ZMYM2: variants seen among roughly 807,000 people sequenced by gnomAD.
The protein encoded by ZMYM2 is zinc finger MYM-type protein 2.
Under a neutral mutation model 162.8 loss-of-function variants are expected in ZMYM2, and 56 were observed. That is an observed-to-expected ratio of 0.34 (90% CI 0.28 to 0.43). The LOEUF (loss-of-function observed/expected upper bound fraction) is 0.43, where lower values mean the gene tolerates loss of function less well. Among genes scored for constraint, ZMYM2 ranks in the 20% least tolerant of loss-of-function variants. The probability of loss-of-function intolerance (pLI) is 1.00; values close to 1 mark genes in which losing one functional copy is unlikely to be tolerated. For synonymous variants in ZMYM2, 510 were observed against 541.6 expected (o/e 0.94, Z 0.81); for missense variants, 1,275 against 1,621.8 (o/e 0.79, Z 3.67).
intron 12 of ZMYM2, among the ~76,000 whole-genome samples, chr13:20,041,850 T>C (rs558496973): frequency 6.7e-6 from 1 of 149,450 alleles, no homozygotes; most frequent in African/African-American, 2.5e-5. Context: ...GTGGCACTGG[T>C]GTTAAATTAA....
chr13:19,916,759 G>GC, the ZMYM2 span, among the ~76,000 whole-genome samples: 1 of 152,068 alleles, frequency 6.6e-6, no homozygotes, highest in Non-Finnish European at 1.5e-5. Context: ...AATACCTAAT[G>GC]TAAATGACGA....
At chr13:20,006,625 A>G (rs1311625031) in intron 6 of ZMYM2, 39 bp downstream of exon 6, 1 of 1,589,720 alleles carries the variant, frequency 6.3e-7, no homozygotes, top group Non-Finnish European at 8.6e-7. Context: ...ATTCTTTAGA[A>G]TGTTCTTGAA....
chr13:19,868,108 T>C, the ZMYM2 span, among the ~76,000 whole-genome samples: 2 of 152,344 alleles, frequency 1.3e-5, no homozygotes, highest in Non-Finnish European at 2.9e-5. Flanking sequence ...AACCTTCTCT[T>C]TGTTCCTCAG....
Position 20,067,357 on chromosome 13 carries a change from C to T in ZMYM2, c.3420C>T (p.Asp1140=), listed in dbSNP as rs1480203213. 6.2e-7 allele frequency: 1 copy of T among 1,611,236 alleles called. No homozygotes were observed. The highest frequency in any genetic ancestry group is 1.1e-5 in the South Asian group (1 of 90,374). ...RRPNGENYAP[D]SIYYLCLGIQ... ...CAAATGGAGAGAATTATGCACCTGA[C>T]AGCATCTATTACCTTTGCCTTGGAA... Residue 1140 remains aspartate, a synonymous_variant, in exon 21 of 25, where the codon GAC becomes GAT. Transcript: ENST00000610343.
At chr13:19,962,293 C>G (rs1390643083) in intron 2 of ZMYM2, among the ~76,000 whole-genome samples, 2 of 151,728 alleles carry the variant, frequency 1.3e-5, no homozygotes, top group Non-Finnish European at 2.9e-5. Flanking sequence ...TACCTTCAGT[C>G]AGATGCTCTG....
At chr13:19,958,722 GCCT>G, upstream of ZMYM2, 3 of 153,664 alleles carry the variant, frequency 2.0e-5, no homozygotes, top group African/African-American at 2.4e-5. Context: ...CGCCTCCTCC[GCCT>G]CCTCCTCCTC....
chr13:19,895,833 C>T, the ZMYM2 span, among the ~76,000 whole-genome samples: 14,222 of 151,406 alleles, frequency 0.094, 905 homozygotes, highest in African/African-American at 0.15. Context: ...TTGCACATTA[C>T]TATTCACAAT....
chr13:20,065,192 T>C (rs1451516111), intron 19 of ZMYM2, among the ~76,000 whole-genome samples: 1 of 151,934 alleles, frequency 6.6e-6, no homozygotes, highest in Non-Finnish European at 1.5e-5. Flanking sequence ...TTAAGAAAGA[T>C]AGCTTTCACA....
chr13:20,006,944 G>A (rs1337726731), intron 6 of ZMYM2, among the ~76,000 whole-genome samples: 2 of 152,100 alleles, frequency 1.3e-5, no homozygotes, highest in Non-Finnish European at 2.9e-5. Context: ...CATTCTTAGG[G>A]AACATCTGTG....
chr13:19,928,678 T>A, the ZMYM2 span, among the ~76,000 whole-genome samples: 1 of 151,996 alleles, frequency 6.6e-6, no homozygotes, highest in Non-Finnish European at 1.5e-5. Flanking sequence ...ATGCCTGTAG[T>A]CCTAGCTACT....
At chr13:19,957,058 G>A (rs978812943), upstream of ZMYM2, among the ~76,000 whole-genome samples, 1 of 151,846 alleles carries the variant, frequency 6.6e-6, no homozygotes, top group Non-Finnish European at 1.5e-5. Flanking sequence ...TTGAAAAGCT[G>A]GTTCAAGTAC....
the ZMYM2 span, among the ~76,000 whole-genome samples, chr13:19,941,322 C>CAAAAAAAAAAAAAAAAAAAAA: frequency 7.8e-6 from 1 of 128,194 alleles, no homozygotes; most frequent in Non-Finnish European, 1.7e-5. Context: ...AACAAAAAAA[C>CAAAAAAAAAAAAAAAAAAAAA]AAAAAAAAAA....
the ZMYM2 span, among the ~76,000 whole-genome samples, chr13:19,883,343 G>A: frequency 6.6e-6 from 1 of 152,202 alleles, no homozygotes; most frequent in Admixed American, 6.5e-5. Context: ...GCACAAAATT[G>A]TGAATATACT....
chr13:19,998,651 A>C (rs1950185815), intron 3 of ZMYM2, among the ~76,000 whole-genome samples: 1 of 152,144 alleles, frequency 6.6e-6, no homozygotes, highest in Non-Finnish European at 1.5e-5. Context: ...TCCAGAATGC[A>C]CTCTTTATTC....
chr13:20,034,734 A>G (rs561621512), intron 11 of ZMYM2, among the ~76,000 whole-genome samples: 8 of 152,304 alleles, frequency 5.3e-5, no homozygotes, highest in Admixed American at 3.3e-4. Context: ...CATTAGCTCC[A>G]TTTTCCCTGC....
At chr13:19,876,069 C>T in the ZMYM2 span, among the ~76,000 whole-genome samples, 1 of 151,818 alleles carries the variant, frequency 6.6e-6, no homozygotes, top group Admixed American at 6.6e-5. Flanking sequence ...TCTTGTCACC[C>T]AGGCTGGAGT....
the ZMYM2 span, among the ~76,000 whole-genome samples, chr13:19,898,928 ACTT>A: frequency 1.5e-5 from 2 of 135,622 alleles, no homozygotes; most frequent in African/African-American, 5.4e-5. Flanking sequence ...GCAAGACCCC[ACTT>A]CTTTTTTTTT....
At chr13:19,973,273 A>C (rs1956483239) in intron 2 of ZMYM2, among the ~76,000 whole-genome samples, 1 of 152,172 alleles carries the variant, frequency 6.6e-6, no homozygotes, top group Admixed American at 6.5e-5. Flanking sequence ...TGTTTGCTAT[A>C]TAAATTTTTT....
the ZMYM2 span, among the ~76,000 whole-genome samples, chr13:19,933,997 C>A: frequency 6.6e-6 from 1 of 152,092 alleles, no homozygotes; most frequent in Non-Finnish European, 1.5e-5. Context: ...CATATTAGGA[C>A]TTTTTTCTCT....
Sources: gnomAD v4.1 joint callset for allele counts (sites outside exome capture counted in the v4.1 genomes callset) on GRCh38, gnomAD v4.1.1 for gene constraint, MANE v1.5 for transcripts, NCBI Gene and HGNC (gene_info 2026-07-23, HGNC 2026-07-21) for gene names.